KCNIP4: variants seen among roughly 807,000 people sequenced by gnomAD.
The protein encoded by KCNIP4 is Kv channel-interacting protein 4.
Under a neutral mutation model 34.0 loss-of-function variants are expected in KCNIP4, and 12 were observed. That is an observed-to-expected ratio of 0.35 (90% CI 0.23 to 0.57). The LOEUF (loss-of-function observed/expected upper bound fraction) is 0.57, where lower values mean the gene tolerates loss of function less well. Among genes scored for constraint, KCNIP4 ranks in the 20% least tolerant of loss-of-function variants. The pLI, the probability that KCNIP4 is intolerant of heterozygous loss-of-function variation, is 0.83. For synonymous variants in KCNIP4, 124 were observed against 102.2 expected, an observed-to-expected ratio of 1.21 and a Z score of -1.29; for missense variants, 238 against 311.7, an observed-to-expected ratio of 0.76 and a Z score of 1.78.
intron 1 of KCNIP4, among the ~76,000 whole-genome samples, chr4:21,537,551 T>C (rs1203579272): frequency 1.3e-5 from 2 of 152,164 alleles, no homozygotes; most frequent in East Asian, 1.9e-4. Context: ...TCACCATCTG[T>C]ACTGGGTTGA....
intron 1 of KCNIP4, among the ~76,000 whole-genome samples, chr4:21,805,130 C>T (rs1326687624): frequency 6.6e-6 from 1 of 152,196 alleles, no homozygotes; most frequent in Non-Finnish European, 1.5e-5. Context: ...GGTTGCACTA[C>T]TCTAGAAATC....
intron 3 of KCNIP4, among the ~76,000 whole-genome samples, chr4:20,828,127 A>G (rs1362086856): frequency 6.6e-6 from 1 of 152,116 alleles, no homozygotes; most frequent in Non-Finnish European, 1.5e-5. Context: ...CACAAATCTA[A>G]AACTTTAAAA....
intron 1 of KCNIP4, among the ~76,000 whole-genome samples, chr4:21,795,529 A>G (rs903371692): frequency 1.3e-5 from 2 of 152,178 alleles, no homozygotes; most frequent in African/African-American, 2.4e-5. Context: ...TAAAACAAAT[A>G]GGTCACCAAG....
intron 1 of KCNIP4, among the ~76,000 whole-genome samples, chr4:21,906,219 T>C (rs1727993957): frequency 6.6e-6 from 1 of 152,170 alleles, no homozygotes; most frequent in Non-Finnish European, 1.5e-5. Context: ...CTTGTGAGTG[T>C]TACCTTATTT....
At chr4:21,120,792 T>TC (rs1750090323) in intron 1 of KCNIP4, among the ~76,000 whole-genome samples, 1 of 152,130 alleles carries the variant, frequency 6.6e-6, no homozygotes, top group South Asian at 2.1e-4. Flanking sequence ...ACCATATCAG[T>TC]CCTAATCTCT....
intron 1 of KCNIP4, among the ~76,000 whole-genome samples, chr4:21,106,070 G>A (rs1005580640): frequency 1.3e-5 from 2 of 151,508 alleles, no homozygotes; most frequent in African/African-American, 2.4e-5. Flanking sequence ...TTTTGGTTGT[G>A]TCTCTGCCTG....
intron 1 of KCNIP4, among the ~76,000 whole-genome samples, chr4:20,949,063 T>A (rs2149635297): frequency 6.6e-6 from 1 of 152,310 alleles, no homozygotes; most frequent in South Asian, 2.1e-4. Flanking sequence ...TGGCCGTGAT[T>A]TTTTGAGCAC....
chr4:21,479,724 T>G (rs925090642), intron 1 of KCNIP4, among the ~76,000 whole-genome samples: 2 of 151,944 alleles, frequency 1.3e-5, no homozygotes, highest in Non-Finnish European at 2.9e-5. Flanking sequence ...AAAAAAACAT[T>G]GAAAATAAAC....
chr4:21,618,915 G>T (rs759254092), intron 1 of KCNIP4, among the ~76,000 whole-genome samples: 1 of 151,880 alleles, frequency 6.6e-6, no homozygotes, highest in Non-Finnish European at 1.5e-5. Flanking sequence ...TAAGAGACAT[G>T]AGCCACCGTG....
chr4:21,249,149 A>G (rs1040991174), intron 1 of KCNIP4, among the ~76,000 whole-genome samples: 1 of 152,140 alleles, frequency 6.6e-6, no homozygotes, highest in Non-Finnish European at 1.5e-5. Context: ...GAAGGGGGCT[A>G]ATATTTTCAG....
chr4:21,181,819 A>G (rs1754864589), intron 1 of KCNIP4, among the ~76,000 whole-genome samples: 1 of 152,180 alleles, frequency 6.6e-6, no homozygotes, highest in South Asian at 2.1e-4. Flanking sequence ...TCTCTGTGGG[A>G]ACATTATTTA....
At chr4:20,767,972 C>A (rs1165165984) in intron 3 of KCNIP4, among the ~76,000 whole-genome samples, 3 of 152,184 alleles carry the variant, frequency 2.0e-5, no homozygotes, top group Non-Finnish European at 2.9e-5. Context: ...GTAGTCTGCT[C>A]GGTCTATCAG....
chr4:21,124,817 A>C (rs1750473193), intron 1 of KCNIP4, among the ~76,000 whole-genome samples: 1 of 152,002 alleles, frequency 6.6e-6, no homozygotes, highest in African/African-American at 2.4e-5. Context: ...CTTTCTTTTT[A>C]TTTATTTTTC....
intron 3 of KCNIP4, among the ~76,000 whole-genome samples, chr4:20,787,211 G>A (rs1712119861): frequency 1.3e-5 from 2 of 152,080 alleles, no homozygotes; most frequent in Non-Finnish European, 2.9e-5. Flanking sequence ...ATCTCAAAAA[G>A]CAGTTTTCAT....
At chr4:21,840,098 G>A (rs1427011361) in intron 1 of KCNIP4, among the ~76,000 whole-genome samples, 2 of 151,738 alleles carry the variant, frequency 1.3e-5, no homozygotes, top group Non-Finnish European at 2.9e-5. Flanking sequence ...ACAAAGCACC[G>A]CGGAGGTAAG....
intron 1 of KCNIP4, among the ~76,000 whole-genome samples, chr4:21,749,521 T>C (rs777763283): frequency 1.6e-4 from 25 of 152,134 alleles, no homozygotes; most frequent in Non-Finnish European, 3.1e-4. Flanking sequence ...ATGCAGATAG[T>C]GGTGATGGTG....
chr4:20,831,855 T>C (rs1168617852), intron 3 of KCNIP4, among the ~76,000 whole-genome samples: 1 of 152,216 alleles, frequency 6.6e-6, no homozygotes, highest in Non-Finnish European at 1.5e-5. Flanking sequence ...TTGTGTGTGG[T>C]GCTTAAAACA....
At chr4:20,754,868 G>GA (rs1257069721) in intron 4 of KCNIP4, among the ~76,000 whole-genome samples, 2 of 152,230 alleles carry the variant, frequency 1.3e-5, no homozygotes, top group Non-Finnish European at 2.9e-5. Flanking sequence ...TGAAATGATT[G>GA]AAAAATAACT....
intron 1 of KCNIP4, among the ~76,000 whole-genome samples, chr4:20,939,413 C>T (rs1357304548): frequency 6.6e-6 from 1 of 151,898 alleles, no homozygotes; most frequent in Non-Finnish European, 1.5e-5. Flanking sequence ...GAGTCTCTAT[C>T]GCCAGGCTGG....
Sources: allele counts gnomAD v4.1 joint callset (sites outside exome capture counted in the v4.1 genomes callset), GRCh38; gene constraint gnomAD v4.1.1; transcripts MANE v1.5; gene names NCBI Gene and HGNC (gene_info 2026-07-23, HGNC 2026-07-21).